COBL: variants seen among roughly 807,000 people sequenced by gnomAD.
COBL encodes the protein protein cordon-bleu.
In COBL, 51 loss-of-function variants were observed where a neutral mutation model predicts 98.8. That is an observed-to-expected ratio of 0.52 (90% confidence interval 0.41 to 0.65). The LOEUF is 0.65. Ranked by LOEUF, COBL falls within the 30% of genes least tolerant of loss-of-function variation. COBL has a pLI of 0.00. For synonymous variants in COBL, 634 were observed against 651.7 expected, an observed-to-expected ratio of 0.97 and a Z score of 0.41; for missense variants, 1,617 against 1,617.5, an observed-to-expected ratio of 1.00 and a Z score of 0.01.
chr7:51,081,347 A>C (rs1246507337), intron 7 of COBL, among the ~76,000 whole-genome samples: 1 of 152,188 alleles, frequency 6.6e-6, no homozygotes, highest in African/African-American at 2.4e-5. Flanking sequence ...ACTGGTATGG[A>C]GTTGGCAAGA....
At position 51,277,786 on chromosome 7, in the gene COBL, G is replaced by C. The variant is rs1349924075; in HGVS notation, c.41+38807C>G. 2.0e-5 allele frequency among the ~76,000 whole-genome samples: 3 copies of C among 152,306 alleles called. No homozygotes were observed. The East Asian group carries it at 5.8e-4, about 29-fold the overall frequency. On this transcript the variant is annotated intron_variant, in intron 1 of 12. Transcript: ENST00000265136. The stretch of plus-strand genomic sequence containing the variant: ...AGCACGGCAGGGCATTGTGAGAGCA[G>C]GGGGCACAGAGCCAGGTAAGAACAC...
At chr7:51,112,965 T>C (rs950986098) in intron 6 of COBL, among the ~76,000 whole-genome samples, 1 of 152,172 alleles carries the variant, frequency 6.6e-6, no homozygotes, top group Non-Finnish European at 1.5e-5. Flanking sequence ...AAAATAAATT[T>C]ATTAATGGTG....
intron 8 of COBL, chr7:51,034,301 G>C (rs1053704529): frequency 2.3e-4 from 35 of 152,480 alleles, no homozygotes; most frequent in African/African-American, 7.9e-4. Flanking sequence ...TGTGCACCGT[G>C]GAGTGAGGGA....
At chr7:51,033,519 C>CAT (rs1334944720) in intron 8 of COBL, 1 of 152,234 alleles carries the variant, frequency 6.6e-6, no homozygotes, top group East Asian at 1.9e-4. Flanking sequence ...TCAGCACACA[C>CAT]ATATATAGAA....
intron 1 of COBL, among the ~76,000 whole-genome samples, chr7:51,270,046 G>T (rs988174057): frequency 1.3e-5 from 2 of 152,114 alleles, no homozygotes; most frequent in African/African-American, 2.4e-5. Flanking sequence ...TTTCAGCTGC[G>T]GCCTATTTAT....
intron 7 of COBL, among the ~76,000 whole-genome samples, chr7:51,044,084 G>T (rs574722093): frequency 6.6e-6 from 1 of 152,216 alleles, no homozygotes; most frequent in Non-Finnish European, 1.5e-5. Context: ...AAGACAATTA[G>T]AGTTTTTGGA....
At chr7:51,240,182 C>T (rs2129120953) in intron 1 of COBL, among the ~76,000 whole-genome samples, 1 of 152,268 alleles carries the variant, frequency 6.6e-6, no homozygotes, top group East Asian at 1.9e-4. Context: ...TGGTCCAAGA[C>T]CTAGGATGGT....
intron 5 of COBL, among the ~76,000 whole-genome samples, chr7:51,140,150 T>C (rs566453926): frequency 2.0e-5 from 3 of 152,250 alleles, no homozygotes; most frequent in East Asian, 1.9e-4. Flanking sequence ...GAAAAAGCAA[T>C]GAATAACAGA....
At chr7:51,113,821 T>C (rs1303598218) in intron 6 of COBL, among the ~76,000 whole-genome samples, 1 of 152,244 alleles carries the variant, frequency 6.6e-6, no homozygotes, top group Non-Finnish European at 1.5e-5. Context: ...TGTGGTTCTC[T>C]TCACATAACC....
At chr7:51,140,706 G>A (rs1371388411) in intron 5 of COBL, among the ~76,000 whole-genome samples, 2 of 152,184 alleles carry the variant, frequency 1.3e-5, no homozygotes, top group African/African-American at 4.8e-5. Context: ...CAGGCAGCAG[G>A]GGCACGGCCC....
rs142801205 is a variant in COBL at position 51,290,299 on chromosome 7, T to C, written c.41+26294A>G. 8.2e-4 allele frequency among the ~76,000 whole-genome samples: 125 copies of C among 152,332 alleles called. 1 individual carries two copies. The East Asian group carries it at 0.019, about 24-fold the overall frequency. On this transcript the variant is annotated intron_variant, in intron 1 of 12. Transcript: ENST00000265136. ...CCATCAGCACATCTAATTTGCATTA[T>C]TTTGAAATCTGACTGCTAATCATTG...
At chr7:51,249,483 A>G (rs893892780) in intron 1 of COBL, among the ~76,000 whole-genome samples, 4 of 152,216 alleles carry the variant, frequency 2.6e-5, no homozygotes, top group African/African-American at 9.6e-5. Flanking sequence ...TAAATCCTTC[A>G]AAGATAGATT....
At chr7:51,079,099 G>A (rs1342957214) in intron 7 of COBL, among the ~76,000 whole-genome samples, 1 of 152,174 alleles carries the variant, frequency 6.6e-6, no homozygotes, top group Non-Finnish European at 1.5e-5. Flanking sequence ...AGGCTAGGGG[G>A]TGAACACAGG....
chr7:51,217,720 AC>A (rs1336984633), intron 2 of COBL, among the ~76,000 whole-genome samples: 3 of 152,096 alleles, frequency 2.0e-5, no homozygotes, highest in Non-Finnish European at 4.4e-5. Flanking sequence ...ACCCTAATAT[AC>A]CCACTGAGAA....
At chr7:51,136,535 C>T (rs1197593769) in intron 5 of COBL, among the ~76,000 whole-genome samples, 2 of 152,178 alleles carry the variant, frequency 1.3e-5, no homozygotes, top group Admixed American at 1.3e-4. Context: ...CAGACTCATG[C>T]TGTGAGGCTC....
intron 6 of COBL, among the ~76,000 whole-genome samples, chr7:51,092,112 C>T (rs532520220): frequency 4.9e-4 from 74 of 152,262 alleles, no homozygotes; most frequent in African/African-American, 1.7e-3. Context: ...CTCTTAGGAG[C>T]GCAAACCCTA....
intron 1 of COBL, among the ~76,000 whole-genome samples, chr7:51,294,326 AAAT>A (rs869298929): frequency 5.4e-5 from 8 of 148,666 alleles, no homozygotes; most frequent in South Asian, 2.1e-4. Context: ...ATAAATAAAT[AAAT>A]AAAAATAAAT....
intron 6 of COBL, among the ~76,000 whole-genome samples, chr7:51,088,515 CTATGCTT>C (rs1193330150): frequency 7.2e-5 from 11 of 152,196 alleles, no homozygotes; most frequent in Admixed American, 5.9e-4. Flanking sequence ...CTCTCAGAAG[CTATGCTT>C]TATGCTTTAT....
At position 51,029,492 on chromosome 7, in the gene COBL, T is replaced by C. The variant is rs750847500; in HGVS notation, c.1604A>G (p.Asp535Gly). ...GAATGTTACTGGGATTGCATCTGTG[T>C]CGCCGTGAGGGATCATGGCATCCTG... ...CPQDAMIPHGDTDAIPVTFIG... is the reference protein window; with the variant it reads ...CPQDAMIPHGGTDAIPVTFIG... Residue 535 changes from aspartate to glycine, a missense_variant, in exon 10 of 13, where the codon GAC becomes GGC. Around this residue, in one of 3 missense-constraint regions of COBL, gnomAD observed 1,304 missense variants for 1,282.0 expected, o/e 1.02. Coordinates refer to ENST00000265136, the MANE Select transcript of COBL (RefSeq NM_015198.5). 1.9e-5 allele frequency: 31 copies of C among 1,614,018 alleles called. No individual in the cohort carries two copies. The East Asian group carries it at 6.7e-4, about 35-fold the overall frequency.
Sources: allele counts gnomAD v4.1 joint callset (sites outside exome capture counted in the v4.1 genomes callset), GRCh38; gene constraint gnomAD v4.1.1; regional missense constraint gnomAD v4.1.1; transcripts MANE v1.5; gene names NCBI Gene and HGNC (gene_info 2026-07-23, HGNC 2026-07-21).